The following HELZ variants were observed in gnomAD, a reference collection of about 807,000 sequenced individuals.
HELZ encodes ATP-dependent RNA helicase with zinc finger domain.
Under a neutral mutation model 218.2 loss-of-function variants are expected in HELZ, and 23 were observed. The ratio of observed to expected loss-of-function variants is 0.11; its 90% CI spans 0.08 to 0.15. The LOEUF (loss-of-function observed/expected upper bound fraction) is 0.15, where lower values mean the gene tolerates loss of function less well. Among genes scored for constraint, HELZ ranks in the 10% least tolerant of loss-of-function variants. HELZ has a pLI of 1.00. For synonymous variants in HELZ, 814 were observed against 829.4 expected, an observed-to-expected ratio of 0.98 and a Z score of 0.32; for missense variants, 1,813 against 2,353.7, an observed-to-expected ratio of 0.77 and a Z score of 4.75.
chr17:67,114,742 A>G (rs2037380068), intron 27 of HELZ, among the ~76,000 whole-genome samples: 1 of 152,240 alleles, frequency 6.6e-6, no homozygotes, highest in South Asian at 2.1e-4. Flanking sequence ...CTTCTTGCCT[A>G]TTTATAAAGG....
intron 3 of HELZ, among the ~76,000 whole-genome samples, chr17:67,228,707 C>CGTTATTATT (rs2040957987): frequency 6.8e-6 from 1 of 147,442 alleles, no homozygotes; most frequent in Non-Finnish European, 1.5e-5. Flanking sequence ...CAAATTGATA[C>CGTTATTATT]ATTATTATTA....
At chr17:67,173,955 A>C (rs1443168234) in intron 13 of HELZ, among the ~76,000 whole-genome samples, 3 of 152,270 alleles carry the variant, frequency 2.0e-5, no homozygotes, top group Non-Finnish European at 4.4e-5. Flanking sequence ...CAATAGCTTC[A>C]GCTAAAGCAC....
intron 9 of HELZ, among the ~76,000 whole-genome samples, chr17:67,192,841 T>G (rs2039931775): frequency 6.6e-6 from 1 of 152,210 alleles, no homozygotes; most frequent in African/African-American, 2.4e-5. Flanking sequence ...CTTTAATCAT[T>G]CCTTCCACAT....
At position 67,218,815 on chromosome 17, in the gene HELZ, CA is replaced by C. The variant is rs2040672666; in HGVS notation, c.-12del. ...TCTTCTGTCTTCCATGACTCAGGGA[CA>C]AAAATCCTACAGACAGGGAGAAAGA... On this transcript the variant is annotated 5_prime_UTR_variant, in exon 4 of 33. The change abolishes the stop of an existing upstream ORF in the 5' untranslated region. Coordinates refer to ENST00000358691, the MANE Select transcript of HELZ (RefSeq NM_014877.4). 1.1e-5 allele frequency: 18 copies of C among 1,612,094 alleles called. No homozygotes were observed. Among genetic ancestry groups the C allele is most frequent in the Non-Finnish European group, 1.5e-5 (18 of 1,178,476 alleles).
chr17:67,236,353 C>T (rs1023659910), intron 3 of HELZ, among the ~76,000 whole-genome samples: 6 of 152,064 alleles, frequency 3.9e-5, no homozygotes, highest in South Asian at 2.1e-4. Context: ...CCCTTGAAAA[C>T]AGTAGGACAA....
intron 19 of HELZ, 73 bp downstream of exon 19, chr17:67,149,794 T>C: frequency 1.2e-6 from 1 of 832,926 alleles, no homozygotes. Flanking sequence ...ATAGGATGTT[T>C]TAGAAATAGA....
chr17:67,134,394 A>T (rs1022463279), intron 23 of HELZ, among the ~76,000 whole-genome samples: 1 of 152,166 alleles, frequency 6.6e-6, no homozygotes, highest in Non-Finnish European at 1.5e-5. Context: ...TCAAAAAAAA[A>T]AAAAGATACT....
chr17:67,156,615 G>A (rs575436186), intron 17 of HELZ, among the ~76,000 whole-genome samples: 9 of 151,910 alleles, frequency 5.9e-5, no homozygotes, highest in Non-Finnish European at 1.3e-4. Context: ...TCCCTCCCAG[G>A]AACTCTCCCC....
chr17:67,099,846 C>G (rs60277150), intron 31 of HELZ, among the ~76,000 whole-genome samples: 12,924 of 152,082 alleles, frequency 0.085, 1,772 homozygotes, highest in African/African-American at 0.29. Flanking sequence ...AATTCTAAGT[C>G]TCATTAACGA....
At chr17:67,094,351 G>GAGAGAT (rs1567794605) in intron 31 of HELZ, among the ~76,000 whole-genome samples, 9 of 150,066 alleles carry the variant, frequency 6.0e-5, no homozygotes, top group African/African-American at 1.7e-4. Context: ...GAGAGAGAGA[G>GAGAGAT]AGATACAGGC....
At chr17:67,082,344 C>T (rs1183350641) in intron 32 of HELZ, among the ~76,000 whole-genome samples, 1 of 152,172 alleles carries the variant, frequency 6.6e-6, no homozygotes, top group Non-Finnish European at 1.5e-5. Flanking sequence ...CTTTTTAAAA[C>T]CCAAACCACA....
chr17:67,076,396 TG>T lies in HELZ; in HGVS notation c.*1855del, dbSNP rs1297810673. The stretch of plus-strand genomic sequence containing the variant: ...GATCTGACATCATACAGAGAAAGAG[TG>T]GTGCTGTAACTTGCCGGCTCAGTTT... On this transcript the variant is annotated 3_prime_UTR_variant, in exon 33 of 33. Coordinates refer to ENST00000358691, the MANE Select transcript of HELZ (RefSeq NM_014877.4). 6.6e-6 allele frequency: 1 copy of T among 151,870 alleles called. No homozygotes were observed. Among genetic ancestry groups the T allele is most frequent in the Non-Finnish European group, 1.5e-5 (1 of 67,988 alleles). 9.4% of individuals were successfully genotyped at this position (151,870 alleles called of 1,614,324 possible). A position where few individuals can be genotyped will look rare whatever the true frequency, so the allele number is the denominator to read the frequency against.
chr17:67,079,255 T>G (rs777351206), intron 32 of HELZ, among the ~76,000 whole-genome samples: 2 of 152,210 alleles, frequency 1.3e-5, no homozygotes. Context: ...TTGTACTGGA[T>G]TATAAACATA....
At chr17:67,185,401 G>A (rs1223853459) in intron 12 of HELZ, among the ~76,000 whole-genome samples, 1 of 151,968 alleles carries the variant, frequency 6.6e-6, no homozygotes, top group East Asian at 1.9e-4. Flanking sequence ...AATTCTGTTA[G>A]GACTCTCCAC....
intron 25 of HELZ, 146 bp downstream of exon 25, chr17:67,123,817 G>C (rs2037696016): frequency 1.1e-5 from 4 of 371,726 alleles, no homozygotes; most frequent in South Asian, 2.6e-5. Flanking sequence ...CAAAGTGACT[G>C]TGTGTGTGTG....
At chr17:67,230,736 G>A (rs545129731) in intron 3 of HELZ, among the ~76,000 whole-genome samples, 1 of 151,968 alleles carries the variant, frequency 6.6e-6, no homozygotes, top group Admixed American at 6.6e-5. Context: ...GATTATCTGT[G>A]TAGACACAGA....
At chr17:67,172,943 G>A (rs141348061) in intron 13 of HELZ, 126 of 497,050 alleles carry the variant, frequency 2.5e-4, no homozygotes, top group African/African-American at 2.5e-3. Flanking sequence ...ATGTCTATTT[G>A]AGAATCACCA....
intron 4 of HELZ, among the ~76,000 whole-genome samples, chr17:67,217,272 G>T (rs991252586): frequency 6.6e-6 from 1 of 152,076 alleles, no homozygotes; most frequent in African/African-American, 2.4e-5. Context: ...AAGTAACTGC[G>T]ACTGCTCCCC....
intron 5 of HELZ, among the ~76,000 whole-genome samples, chr17:67,205,545 A>AG (rs769027139): frequency 3.9e-5 from 6 of 152,232 alleles, no homozygotes; most frequent in Admixed American, 1.3e-4. Context: ...AAAATTTTAC[A>AG]GCAGTACTGA....
Sources: allele counts gnomAD v4.1 joint callset (sites outside exome capture counted in the v4.1 genomes callset), GRCh38; gene constraint gnomAD v4.1.1; transcripts MANE v1.5; gene names NCBI Gene and HGNC (gene_info 2026-07-23, HGNC 2026-07-21).